The following SIAH3 variants were observed in gnomAD, a reference collection of about 807,000 sequenced individuals.
SIAH3 encodes the protein siah E3 ubiquitin protein ligase family member 3.
In SIAH3, 9 loss-of-function variants were observed where a neutral mutation model predicts 12.6. The ratio of observed to expected loss-of-function variants is 0.72; its 90% CI spans 0.43 to 1.25. SIAH3 has a LOEUF of 1.25. Ranked by LOEUF, SIAH3 falls within the 50% of genes most tolerant of loss-of-function variation. The pLI, the probability that SIAH3 is intolerant of heterozygous loss-of-function variation, is 0.00. For synonymous variants in SIAH3, 154 were observed against 151.1 expected (o/e 1.02, Z -0.14); for missense variants, 390 against 365.4 (o/e 1.07, Z -0.55).
chr13:45,850,835 A>T (rs929625642), intron 1 of SIAH3, among the ~76,000 whole-genome samples: 1 of 151,826 alleles, frequency 6.6e-6, no homozygotes, highest in Non-Finnish European at 1.5e-5. Flanking sequence ...TGGTGTCATT[A>T]TTACACAAGC....
Position 45,782,435 on chromosome 13 carries a change from T to C in SIAH3, c.*948A>G, listed in dbSNP as rs538104637. 3.1e-4 allele frequency: 47 copies of C among 152,220 alleles called. No individual in the cohort carries two copies. Among genetic ancestry groups the C allele is most frequent in the Middle Eastern group, 3.4e-3 (1 of 294 alleles). 9.4% of individuals were successfully genotyped at this position (152,220 alleles called of 1,614,324 possible). A position where few individuals can be genotyped will look rare whatever the true frequency, so the allele number is the denominator to read the frequency against. On this transcript the variant is annotated 3_prime_UTR_variant, in exon 2 of 2. Transcript: ENST00000400405. ...AGTCCTGGTTCTGCTTTTTGCATGA[T>C]ATGAAAGAACTGCACCCTAGGGAGG...
chr13:45,846,171 C>T (rs1003383197), intron 1 of SIAH3, among the ~76,000 whole-genome samples: 21 of 139,006 alleles, frequency 1.5e-4, no homozygotes, highest in South Asian at 4.7e-4. Context: ...CTCACTGCAA[C>T]GTCTGCCTCC....
intron 1 of SIAH3, 147 bp from the exon 2 acceptor site, chr13:45,784,204 CA>C (rs1950517949): frequency 4.9e-6 from 4 of 815,908 alleles, no homozygotes; most frequent in African/African-American, 1.7e-5. Context: ...AACAAACAAA[CA>C]AACAAACAAA....
chr13:45,785,674 GCT>G (rs1950525732), intron 1 of SIAH3, among the ~76,000 whole-genome samples: 2 of 152,232 alleles, frequency 1.3e-5, no homozygotes, highest in Non-Finnish European at 2.9e-5. Flanking sequence ...GGCCAGATCA[GCT>G]CTCCTCTCCA....
intron 1 of SIAH3, among the ~76,000 whole-genome samples, chr13:45,820,331 C>A (rs1950651291): frequency 6.6e-6 from 1 of 152,132 alleles, no homozygotes; most frequent in South Asian, 2.1e-4. Context: ...GCAGGTGAAC[C>A]TCCTGTGGTG....
At chr13:45,794,791 C>A (rs1316622872) in intron 1 of SIAH3, among the ~76,000 whole-genome samples, 1 of 151,956 alleles carries the variant, frequency 6.6e-6, no homozygotes, top group African/African-American at 2.4e-5. Context: ...TTATTAGCAG[C>A]GAGAGAATGA....
rs1566085776 is a variant in SIAH3, at chr13:45,783,980, G to A, written c.213C>T (p.His71=). 6.2e-7 allele frequency: 1 copy of A among 1,606,580 alleles called. No homozygotes were observed. Among genetic ancestry groups the A allele is most frequent in the Non-Finnish European group, 8.5e-7 (1 of 1,176,582 alleles). Reference sequence around the variant, plus strand: ...GGTGGTGGTGGCGGTGGTGGCAGTGGTGGTGGGAGAGATGGTGAGGGTGGA... The same window carrying A: ...GGTGGTGGTGGCGGTGGTGGCAGTGATGGTGGGAGAGATGGTGAGGGTGGA... The part of the protein sequence containing the change: ...GSFHPHHLSH[H]HCHHRHHHHL... Residue 71 remains histidine, a synonymous_variant, in exon 2 of 2, where the codon CAC becomes CAT. Coordinates refer to ENST00000400405, the MANE Select transcript of SIAH3 (RefSeq NM_198849.3).
intron 1 of SIAH3, among the ~76,000 whole-genome samples, chr13:45,842,955 G>A (rs1314420333): frequency 6.6e-6 from 1 of 151,992 alleles, no homozygotes; most frequent in Non-Finnish European, 1.5e-5. Context: ...TTCGCATCCT[G>A]TGATCTTCTA....
At position 45,779,568 on chromosome 13, in the gene SIAH3, C is replaced by T. The variant is rs891438012; in HGVS notation, c.*3815G>A. 1.5e-4 allele frequency: 23 copies of T among 152,272 alleles called. No homozygotes were observed. Among genetic ancestry groups the T allele is most frequent in the African/African-American group, 5.5e-4 (23 of 41,552 alleles). The allele number at this position is 152,272 out of a possible 1,614,324, so 9.4% of individuals were successfully genotyped here. A position where few individuals can be genotyped will look rare whatever the true frequency, so the allele number is the denominator to read the frequency against. Reference sequence around the variant, plus strand: ...GAAGCCATACGTACCCGGTCCCAGGCCCAGCTCTGCCATTTGCTAGCTGGG... The same window carrying T: ...GAAGCCATACGTACCCGGTCCCAGGTCCAGCTCTGCCATTTGCTAGCTGGG... On this transcript the variant is annotated 3_prime_UTR_variant, in exon 2 of 2. Transcript: ENST00000400405.
At chr13:45,838,436 G>A (rs1398571614) in intron 1 of SIAH3, among the ~76,000 whole-genome samples, 1 of 152,128 alleles carries the variant, frequency 6.6e-6, no homozygotes, top group Non-Finnish European at 1.5e-5. Context: ...TGGCTTCAAT[G>A]AGGCAGCTTC....
chr13:45,843,971 G>C (rs1341330997), intron 1 of SIAH3, among the ~76,000 whole-genome samples: 1 of 152,160 alleles, frequency 6.6e-6, no homozygotes, highest in Non-Finnish European at 1.5e-5. Context: ...ATTCCCAAAA[G>C]ATTAAAATCC....
chr13:45,795,026 T>TA (rs1234564301), intron 1 of SIAH3, among the ~76,000 whole-genome samples: 1 of 152,126 alleles, frequency 6.6e-6, no homozygotes, highest in African/African-American at 2.4e-5. Flanking sequence ...TCTCCTTTTT[T>TA]AAAAAAACTT....
chr13:45,837,141 T>A (rs778343249), intron 1 of SIAH3, among the ~76,000 whole-genome samples: 1 of 152,086 alleles, frequency 6.6e-6, no homozygotes, highest in Non-Finnish European at 1.5e-5. Flanking sequence ...CAGCTCTCCC[T>A]TTTCTACTCC....
At chr13:45,809,215 G>T (rs561753604) in intron 1 of SIAH3, among the ~76,000 whole-genome samples, 18 of 152,342 alleles carry the variant, frequency 1.2e-4, no homozygotes, top group Non-Finnish European at 1.6e-4. Context: ...GAATGCGTGT[G>T]TTGGGGGCTC....
Position 45,783,464 on chromosome 13 carries a change from C to A in SIAH3, c.729G>T (p.Gln243His). The change falls in exon 2 of 2, where the codon CAG (glutamine) becomes CAT (histidine). Residue 243 changes from glutamine to histidine, a missense_variant. Physicochemically the swap from Gln to His is conservative, Grantham distance 24. Transcript: ENST00000400405. ...DCLVLNTSLA[Q>H]LFSDNGSLAI... ...CAAGGCTGCCGTTGTCAGAGAAGAG[C>A]TGTGCCAGCGAGGTGTTGAGGACGA... is the stretch of plus-strand genomic sequence containing the variant. The A allele has an allele frequency of 6.2e-7, 1 of 1,614,090 alleles. No homozygotes were observed.
At chr13:45,813,414 C>T (rs1950623057) in intron 1 of SIAH3, among the ~76,000 whole-genome samples, 1 of 152,182 alleles carries the variant, frequency 6.6e-6, no homozygotes, top group Non-Finnish European at 1.5e-5. Flanking sequence ...GAATGTTGTC[C>T]CTAGGGCTCT....
intron 1 of SIAH3, among the ~76,000 whole-genome samples, chr13:45,797,932 T>G (rs896940809): frequency 6.6e-6 from 1 of 152,186 alleles, no homozygotes; most frequent in Non-Finnish European, 1.5e-5. Context: ...ATGGCGGTGA[T>G]AGGGCTGCCC....
At chr13:45,788,079 A>G (rs1319279228) in intron 1 of SIAH3, among the ~76,000 whole-genome samples, 1 of 152,224 alleles carries the variant, frequency 6.6e-6, no homozygotes, top group African/African-American at 2.4e-5. Context: ...GGGACGTGAT[A>G]CACTCATTGA....
At chr13:45,788,371 A>G (rs1444682853) in intron 1 of SIAH3, among the ~76,000 whole-genome samples, 1 of 152,218 alleles carries the variant, frequency 6.6e-6, no homozygotes, top group Non-Finnish European at 1.5e-5. Flanking sequence ...GATTACACTA[A>G]TTAAACCTAA....
Sources: allele counts gnomAD v4.1 joint callset (sites outside exome capture counted in the v4.1 genomes callset), GRCh38; gene constraint gnomAD v4.1.1; transcripts MANE v1.5; gene names NCBI Gene and HGNC (gene_info 2026-07-23, HGNC 2026-07-21).